PTCH2: variants seen among roughly 807,000 people sequenced by gnomAD.
PTCH2 encodes the protein patched 2.
In PTCH2, 96 loss-of-function variants were observed where a neutral mutation model predicts 117.9. The ratio of observed to expected loss-of-function variants is 0.81; its 90% CI spans 0.69 to 0.96. The LOEUF is 0.96. Ranked by LOEUF, PTCH2 falls within the 50% of genes least tolerant of loss-of-function variation. The probability of loss-of-function intolerance (pLI) is 0.00; values close to 1 mark genes in which losing one functional copy is unlikely to be tolerated. For missense variants in PTCH2, 1,379 were observed against 1,562.5 expected, an observed-to-expected ratio of 0.88 and a Z score of 1.98; for synonymous variants, 615 against 660.9, an observed-to-expected ratio of 0.93 and a Z score of 1.06.
chr1:44,826,420 G>A lies in PTCH2; in HGVS notation c.2977-33C>T, dbSNP rs1195016294. 6.2e-7 allele frequency: 1 copy of A among 1,613,950 alleles called. No homozygotes were observed. The highest frequency in any genetic ancestry group is 8.5e-7 in the Non-Finnish European group (1 of 1,180,026). On this transcript the variant is annotated intron_variant, in intron 18 of 21. Transcript: ENST00000372192. The surrounding 1 kb of genome is among the most constrained non-coding windows in gnomAD (Gnocchi z 5.1). Reference sequence around the variant, plus strand: ...AGACAGGGCTCACAGAGGGCTCCTGGCAGGAGGGATGACAGGCTGGGCAGG... The same window carrying A: ...AGACAGGGCTCACAGAGGGCTCCTGACAGGAGGGATGACAGGCTGGGCAGG...
At position 44,827,249 on chromosome 1, in the gene PTCH2, C is replaced by T. The variant is rs112613379; in HGVS notation, c.2432G>A (p.Arg811His). 77 of 1,614,164 alleles carry T rather than the reference C, an allele frequency of 4.8e-5. No individual in the cohort carries two copies. In the African/African-American group the frequency reaches 6.4e-4, roughly 13 times the overall value. The stretch of plus-strand genomic sequence containing the variant: ...CAGGGCCCCATCCTCAGAGCCATTG[C>T]GGTACGAGTGGCGGGTGATGCGCCC... ...ASGRITRHSY[R>H]NGSEDGALAY... The change falls in exon 16 of 22, where the codon CGC becomes CAC. Residue 811 changes from arginine (R) to histidine (H), a missense_variant. By Grantham distance (29) the Arg-to-His change is conservative (BLOSUM62 0). Coordinates refer to ENST00000372192, the MANE Select transcript of PTCH2 (RefSeq NM_003738.5).
chr1:44,826,823 G>A lies in PTCH2; in HGVS notation c.2696-55C>T. On this transcript the variant is annotated intron_variant, in intron 17 of 21. Coordinates refer to ENST00000372192, the MANE Select transcript of PTCH2 (RefSeq NM_003738.5). This position sits in a 1 kb window ranked among gnomAD's most constrained non-coding sequence, Gnocchi z 5.1. Reference sequence around the variant, plus strand: ...GAGAGGGACAGGGCGGTGAGCACGGGGCAGAGTGGGCAGGGCCTCAGGCTC... The same window carrying A: ...GAGAGGGACAGGGCGGTGAGCACGGAGCAGAGTGGGCAGGGCCTCAGGCTC... The A allele has an allele frequency of 6.2e-7, 1 of 1,609,998 alleles. No homozygotes were observed. Among genetic ancestry groups the A allele is most frequent in the Non-Finnish European group, 8.5e-7 (1 of 1,177,050 alleles).
rs192962137 is a variant in PTCH2, at chr1:44,821,948, T to G, written c.*467A>C. The G allele has an allele frequency of 1.7e-5, 23 of 1,340,654 alleles. No individual in the cohort carries two copies. Among genetic ancestry groups the G allele is most frequent in the Non-Finnish European group, 2.2e-5 (22 of 1,010,842 alleles). The allele number at this position is 1,340,654 out of a possible 1,614,324, so 83.0% of individuals were successfully genotyped here. A position where few individuals can be genotyped will look rare whatever the true frequency, so the allele number is the denominator to read the frequency against. On this transcript the variant is annotated 3_prime_UTR_variant, in exon 22 of 22. Coordinates refer to ENST00000372192, the MANE Select transcript of PTCH2 (RefSeq NM_003738.5). Reference sequence around the variant, plus strand: ...TGAAGTCATCTGAGATTAGTTCACATAGAATATATTTCATTCTTTAAAAAA... The same window carrying G: ...TGAAGTCATCTGAGATTAGTTCACAGAGAATATATTTCATTCTTTAAAAAA...
In PTCH2 at chr1:44,828,415, C is replaced by T; in HGVS notation, c.1591-1G>A. ...AGGTGCAGCCAACCACTATGGCCGC[C>T]TGGGGGACGGACAGGAGGGGAATGA... On this transcript the variant is annotated splice_acceptor_variant, in intron 12 of 21. Transcript: ENST00000372192. LOFTEE classifies it high-confidence loss of function. 2 of 1,614,174 alleles carry T rather than the reference C, an allele frequency of 1.2e-6. No individual in the cohort carries two copies. The highest frequency in any genetic ancestry group is 1.7e-6 in the Non-Finnish European group (2 of 1,180,034).
Position 44,830,028 on chromosome 1 carries a change from A to C in PTCH2, c.816T>G (p.Ala272=). The part of the protein sequence containing the change: ...PSAPNHHSRQ[A]PNVAHELSGG... ...CACTCAGCTCGTGAGCCACATTGGG[A>C]GCCTGGAGGGGAACAGGAGGGGTTA... Residue 272 remains alanine, a splice_region_variant and synonymous_variant, in exon 7 of 22, where the codon GCT becomes GCG. Coordinates refer to ENST00000372192, the MANE Select transcript of PTCH2 (RefSeq NM_003738.5). The C allele has an allele frequency of 6.2e-7, 1 of 1,614,010 alleles. No individual in the cohort carries two copies. Among genetic ancestry groups the C allele is most frequent in the Admixed American group, 1.7e-5 (1 of 60,004 alleles).
chr1:44,828,861 T>C (rs1653287742), intron 11 of PTCH2, 121 bp downstream of exon 11: 2 of 1,244,742 alleles, frequency 1.6e-6, no homozygotes, highest in Non-Finnish European at 2.3e-6. Flanking sequence ...TTATTTCCCC[T>C]GTTTACAGAT....
downstream of PTCH2, chr1:44,821,857 C>T (rs752559812): frequency 1.3e-4 from 172 of 1,365,336 alleles, 1 homozygote; most frequent in Admixed American, 3.1e-3. Flanking sequence ...GTCCTGGCAC[C>T]AGAGAAGCTC....
At chr1:44,841,777 C>T in intron 2 of PTCH2, 70 bp downstream of exon 2, 4 of 1,564,900 alleles carry the variant, frequency 2.6e-6, no homozygotes, top group South Asian at 2.2e-5. Flanking sequence ...GCTCAGTAGC[C>T]AGCTCCTCAC....
At position 44,828,320 on chromosome 1, in the gene PTCH2, A is replaced by C. The variant is rs1457864057; in HGVS notation, c.1685T>G (p.Leu562Arg). The C allele has an allele frequency of 1.9e-6, 3 of 1,613,874 alleles. No homozygotes were observed. Among genetic ancestry groups the C allele is most frequent in the Non-Finnish European group, 2.5e-6 (3 of 1,179,902 alleles). The change falls in exon 13 of 22, where the codon CTT becomes CGT. Residue 562 changes from leucine to arginine, a missense_variant. Transcript: ENST00000372192. ...CCTGGAGAAGCAGCAGAGCACATCA[A>C]GGCGCTGGCAGTGGCGCCGCCGTAG... ...LDLRRRHCQR[L>R]DVLCCFSSPC...
chr1:44,840,165 C>T lies in PTCH2; in HGVS notation c.265+1682G>A, dbSNP rs538075450. On this transcript the variant is annotated intron_variant, in intron 2 of 21. Transcript: ENST00000372192. ...CTGCCCAGGCTGGAGTGCAGTGCGG[C>T]GATCTTGGCTCACTGCAACCTCCGC... Among the ~76,000 whole-genome samples, 880 of 146,958 alleles carry T rather than the reference C, an allele frequency of 6.0e-3. 15 individuals carry two copies. The highest frequency in any genetic ancestry group is 0.021 in the African/African-American group (833 of 39,140).
downstream of PTCH2, chr1:44,820,372 G>T (rs1329693208): frequency 1.7e-6 from 1 of 575,838 alleles, no homozygotes; most frequent in East Asian, 3.9e-5. Flanking sequence ...CGTCCCAGGG[G>T]TTAAGGTCCT....
chr1:44,827,796 C>T lies in PTCH2; in HGVS notation c.2058+47G>A, dbSNP rs373001101. 83 of 1,612,574 alleles carry T rather than the reference C, an allele frequency of 5.1e-5. No homozygotes were observed. The African/African-American group carries it at 1.0e-3, about 20-fold the overall frequency. Reference sequence around the variant, plus strand: ...AGTGGACTAAGCCCTCTCTGCCCTTCTGGGCCCAGAGATGCTAAGTCTCTG... The same window carrying T: ...AGTGGACTAAGCCCTCTCTGCCCTTTTGGGCCCAGAGATGCTAAGTCTCTG... On this transcript the variant is annotated intron_variant, in intron 14 of 21. Coordinates refer to ENST00000372192, the MANE Select transcript of PTCH2 (RefSeq NM_003738.5).
In PTCH2 at chr1:44,827,979, G is replaced by A; in HGVS notation, c.1922C>T (p.Ser641Phe). The A allele has an allele frequency of 6.2e-7, 1 of 1,614,186 alleles. No homozygotes were observed. Among genetic ancestry groups the A allele is most frequent in the Non-Finnish European group, 8.5e-7 (1 of 1,180,038 alleles). The change falls in exon 14 of 22, where the codon TCC becomes TTC. Residue 641 changes from serine to phenylalanine, a missense_variant. Ser to Phe is a radical substitution (Grantham distance 155, BLOSUM62 -2). Transcript: ENST00000372192. ...CTCCTGGCCTAGAAGGTCCCGTGTGGACCCTCCAGGGCTGAAGAGCTCAGA... is the reference window on the plus strand; with the variant it reads ...CTCCTGGCCTAGAAGGTCCCGTGTGAACCCTCCAGGGCTGAAGAGCTCAGA... ...LGSELFSPGG[S>F]TRDLLGQEEE...
chr1:44,821,919 G>C (rs781763389), downstream of PTCH2: 2 of 1,362,672 alleles, frequency 1.5e-6, no homozygotes, highest in Non-Finnish European at 2.0e-6. Context: ...CCAAAAAAAA[G>C]CACTGAAGTC....
intron 2 of PTCH2, among the ~76,000 whole-genome samples, chr1:44,835,556 T>C (rs892405211): frequency 2.0e-5 from 3 of 152,188 alleles, no homozygotes; most frequent in Non-Finnish European, 4.4e-5. Context: ...GAGTGTAATA[T>C]GGTACACTCT....
chr1:44,829,427 C>A lies in PTCH2; in HGVS notation c.1190G>T (p.Arg397Leu). The A allele has an allele frequency of 6.2e-7, 1 of 1,614,184 alleles. No homozygotes were observed. Among genetic ancestry groups the A allele is most frequent in the Non-Finnish European group, 8.5e-7 (1 of 1,180,034 alleles). Residue 397 changes from arginine to leucine, a missense_variant, in exon 9 of 22, where the codon CGT becomes CTT. Physicochemically the swap from Arg to Leu is moderately radical, Grantham distance 102 (BLOSUM62 -2). Transcript: ENST00000372192. ...CATGAGCAGATAGCCTCCCACCACA[C>A]GGGCAGCACTGACTTCAGAGAACGC... ...LHAFSEVSAA[R>L]VVGGYLLMLA...
rs1359562061 is a variant in PTCH2, at chr1:44,831,387, G to A, written c.617+319C>T. Among the ~76,000 whole-genome samples the A allele has an allele frequency of 2.0e-5, 3 of 152,212 alleles. No individual in the cohort carries two copies. The highest frequency in any genetic ancestry group is 7.2e-5 in the African/African-American group (3 of 41,444). On this transcript the variant is annotated intron_variant, in intron 5 of 21. Transcript: ENST00000372192. This position sits in a 1 kb window ranked among gnomAD's most constrained non-coding sequence, Gnocchi z 4.3. ...CATGCCTGTAGCAGGTTTTCTTTCTGGCCTGGGCAATGGCTTAGCAAACAC... is the reference window on the plus strand; with the variant it reads ...CATGCCTGTAGCAGGTTTTCTTTCTAGCCTGGGCAATGGCTTAGCAAACAC...
At position 44,823,473 on chromosome 1, in the gene PTCH2, C is replaced by G; in HGVS notation, c.3115-88G>C. On this transcript the variant is annotated intron_variant, in intron 19 of 21. Coordinates refer to ENST00000372192, the MANE Select transcript of PTCH2 (RefSeq NM_003738.5). This position sits in a 1 kb window ranked among gnomAD's most constrained non-coding sequence, Gnocchi z 5.1. ...CCGAGCTGTATCTGTCTTCAGAGCT[C>G]AACGATACCTTGGCCCACCAAAGGC... 1 of 1,582,488 alleles carries G rather than the reference C, an allele frequency of 6.3e-7. No individual in the cohort carries two copies. The highest frequency in any genetic ancestry group is 8.7e-7 in the Non-Finnish European group (1 of 1,155,904).
Position 44,827,960 on chromosome 1 carries a change from G to C in PTCH2, c.1941C>G (p.Gly647=). 6.2e-7 allele frequency: 1 copy of C among 1,614,216 alleles called. No homozygotes were observed. The highest frequency in any genetic ancestry group is 1.7e-5 in the Admixed American group (1 of 60,028). The stretch of plus-strand genomic sequence containing the variant: ...CCTTCTGCCTTGTCTCCTCCTCCTG[G>C]CCTAGAAGGTCCCGTGTGGACCCTC... ...SPGGSTRDLL[G]QEEETRQKAA... The change falls in exon 14 of 22, where the codon GGC becomes GGG. Residue 647 remains glycine (G), a synonymous_variant. Transcript: ENST00000372192.
Sources: allele counts gnomAD v4.1 joint callset (sites outside exome capture counted in the v4.1 genomes callset), GRCh38; gene constraint gnomAD v4.1.1; non-coding constraint Gnocchi (gnomAD v3.1); transcripts MANE v1.5; gene names NCBI Gene and HGNC (gene_info 2026-07-23, HGNC 2026-07-21).